The following NXPE2 variants were observed in gnomAD, a reference collection of about 807,000 sequenced individuals.
The protein encoded by NXPE2 is neurexophilin and PC-esterase domain family member 2, also known as NXPE family member 2.
Under a neutral mutation model 34.4 loss-of-function variants are expected in NXPE2, and 34 were observed. That is an observed-to-expected ratio of 0.99 (90% confidence interval 0.75 to 1.31). The LOEUF is 1.31. Among genes scored for constraint, NXPE2 ranks in the 40% most tolerant of loss-of-function variants. The pLI is 0.00. For synonymous variants in NXPE2, 235 were observed against 231.3 expected, an observed-to-expected ratio of 1.02 and a Z score of -0.15; for missense variants, 649 against 672.5, an observed-to-expected ratio of 0.97 and a Z score of 0.39.
the NXPE2 span, among the ~76,000 whole-genome samples, chr11:114,612,715 T>C: frequency 6.6e-6 from 1 of 151,658 alleles, no homozygotes. Flanking sequence ...GTATAATGTG[T>C]TGCCTCGTGG....
At chr11:114,735,087 G>A in the NXPE2 span, among the ~76,000 whole-genome samples, 1 of 152,080 alleles carries the variant, frequency 6.6e-6, no homozygotes, top group Non-Finnish European at 1.5e-5. Context: ...TCTAGCCTGG[G>A]CAACAGAGCA....
At chr11:114,523,972 A>C in the NXPE2 span, among the ~76,000 whole-genome samples, 1 of 152,236 alleles carries the variant, frequency 6.6e-6, no homozygotes, top group African/African-American at 2.4e-5. Context: ...CTCACATAAC[A>C]GGCCTGGAGT....
chr11:114,811,485 T>C, the NXPE2 span, among the ~76,000 whole-genome samples: 1 of 152,052 alleles, frequency 6.6e-6, no homozygotes, highest in African/African-American at 2.4e-5. Flanking sequence ...ATTCCAACTA[T>C]CACAACCAGG....
the NXPE2 span, among the ~76,000 whole-genome samples, chr11:114,762,117 G>A: frequency 6.6e-6 from 1 of 152,192 alleles, no homozygotes; most frequent in Non-Finnish European, 1.5e-5. Context: ...TCTGTTTGGG[G>A]GCTCTGGAGG....
the NXPE2 span, among the ~76,000 whole-genome samples, chr11:114,599,884 G>T: frequency 6.6e-6 from 1 of 151,934 alleles, no homozygotes; most frequent in East Asian, 1.9e-4. Context: ...TTTGGGCAGG[G>T]ACACAGATCC....
At chr11:114,812,005 A>G in the NXPE2 span, among the ~76,000 whole-genome samples, 3 of 152,226 alleles carry the variant, frequency 2.0e-5, no homozygotes, top group Non-Finnish European at 4.4e-5. Flanking sequence ...AATGATAGCC[A>G]TTATTATCAC....
the NXPE2 span, among the ~76,000 whole-genome samples, chr11:114,553,191 T>C: frequency 1.3e-5 from 2 of 152,342 alleles, no homozygotes; most frequent in Admixed American, 6.5e-5. Context: ...TGTGCTCTTA[T>C]AGTCTCGTAT....
intron 2 of NXPE2, among the ~76,000 whole-genome samples, chr11:114,692,327 T>C (rs1951168867): frequency 6.6e-6 from 1 of 152,138 alleles, no homozygotes; most frequent in South Asian, 2.1e-4. Flanking sequence ...TGTTGCAGGG[T>C]AGCAAGTACC....
chr11:114,526,891 T>C, the NXPE2 span, among the ~76,000 whole-genome samples: 1 of 152,222 alleles, frequency 6.6e-6, no homozygotes, highest in Non-Finnish European at 1.5e-5. Flanking sequence ...ATTATTTGCT[T>C]AAATCCAGCA....
chr11:114,594,582 T>G, the NXPE2 span: 4 of 858,116 alleles, frequency 4.7e-6, no homozygotes, highest in Non-Finnish European at 7.7e-6. Flanking sequence ...CTACAAGTCT[T>G]GTAGTTTAGC....
the NXPE2 span, among the ~76,000 whole-genome samples, chr11:114,574,806 C>A: frequency 6.6e-6 from 1 of 151,936 alleles, no homozygotes; most frequent in Non-Finnish European, 1.5e-5. Flanking sequence ...TTCCAAAAGA[C>A]AGAGAAAGAG....
chr11:114,741,845 C>T, the NXPE2 span, among the ~76,000 whole-genome samples: 1 of 152,112 alleles, frequency 6.6e-6, no homozygotes, highest in African/African-American at 2.4e-5. Flanking sequence ...TTTGGGGTTC[C>T]ATTGATGATG....
the NXPE2 span, among the ~76,000 whole-genome samples, chr11:114,770,633 T>A: frequency 6.6e-6 from 1 of 152,232 alleles, no homozygotes; most frequent in Non-Finnish European, 1.5e-5. Context: ...CATGTCTCCA[T>A]ACAAATTATC....
At chr11:114,532,940 A>G in the NXPE2 span, among the ~76,000 whole-genome samples, 1 of 152,210 alleles carries the variant, frequency 6.6e-6, no homozygotes, top group African/African-American at 2.4e-5. Flanking sequence ...TGCAGCTGCA[A>G]TAAAAGGATT....
chr11:114,528,281 G>C, the NXPE2 span, among the ~76,000 whole-genome samples: 1 of 152,146 alleles, frequency 6.6e-6, no homozygotes, highest in African/African-American at 2.4e-5. Flanking sequence ...GCAAGTCTCA[G>C]TTTTATCCCA....
chr11:114,477,873 G>A, the NXPE2 span, among the ~76,000 whole-genome samples: 45 of 151,868 alleles, frequency 3.0e-4, no homozygotes, highest in African/African-American at 1.1e-3. Context: ...TGGTAAGTTG[G>A]TTTGGCTAAA....
At chr11:114,703,702 TA>T (rs1453732821) in intron 3 of NXPE2, among the ~76,000 whole-genome samples, 4 of 24,902 alleles carry the variant, frequency 1.6e-4, no homozygotes, top group South Asian at 1.2e-3. Flanking sequence ...AGATAGATGA[TA>T]GATAGATAGA....
chr11:114,682,499 T>C (rs1004917084), intron 2 of NXPE2, among the ~76,000 whole-genome samples: 2 of 152,190 alleles, frequency 1.3e-5, no homozygotes, highest in African/African-American at 4.8e-5. Flanking sequence ...AGGCTTTAAT[T>C]GCTGTCAGAG....
At chr11:114,639,914 AATATTATATTAT>A in the NXPE2 span, among the ~76,000 whole-genome samples, 1 of 116,372 alleles carries the variant, frequency 8.6e-6, no homozygotes, top group Non-Finnish European at 1.6e-5. Flanking sequence ...TATAAAATAT[AATATTATATTAT>A]ATATTATATT....
Sources: allele counts gnomAD v4.1 joint callset (sites outside exome capture counted in the v4.1 genomes callset), GRCh38; gene constraint gnomAD v4.1.1; transcripts MANE v1.5; gene names NCBI Gene and HGNC (gene_info 2026-07-23, HGNC 2026-07-21).